Variants in CWC27 observed in about 807,000 individuals in gnomAD.
CWC27 encodes spliceosome-associated protein CWC27 homolog.
A neutral mutation model predicts 63.6 loss-of-function variants in CWC27; 47 were observed. That is an observed-to-expected ratio of 0.74 (90% CI 0.58 to 0.94). The LOEUF (loss-of-function observed/expected upper bound fraction) is 0.94. CWC27 is among the 40% of genes least tolerant of loss of function. The probability of loss-of-function intolerance (pLI) is 0.00; values close to 1 mark genes in which losing one functional copy is unlikely to be tolerated. For missense variants in CWC27, 495 were observed against 554.3 expected (o/e 0.89, Z 1.07); for synonymous variants, 175 against 179.8 (o/e 0.97, Z 0.22).
chr5:64,849,415 C>T (rs1045695500), intron 10 of CWC27, among the ~76,000 whole-genome samples: 4 of 152,100 alleles, frequency 2.6e-5, no homozygotes, highest in African/African-American at 9.7e-5. Context: ...GGATCTGTGT[C>T]CCTGTTCAAA....
chr5:64,817,375 C>T (rs930975725), intron 10 of CWC27, among the ~76,000 whole-genome samples: 1 of 152,068 alleles, frequency 6.6e-6, no homozygotes, highest in African/African-American at 2.4e-5. Context: ...ATAAAATTTG[C>T]TTGACTTTCA....
intron 11 of CWC27, among the ~76,000 whole-genome samples, chr5:64,969,288 A>G (rs1749076313): frequency 1.3e-5 from 2 of 152,204 alleles, no homozygotes; most frequent in Non-Finnish European, 2.9e-5. Context: ...TTAGCTGAAA[A>G]TGTAAGCAAA....
chr5:64,841,281 T>C (rs10434529), intron 10 of CWC27, among the ~76,000 whole-genome samples: 53,493 of 151,936 alleles, frequency 0.35, 9,859 homozygotes, highest in East Asian at 0.51. Context: ...AAACATCTTG[T>C]TTCAGGAGCT....
At chr5:64,908,939 A>C (rs1181525894) in intron 11 of CWC27, among the ~76,000 whole-genome samples, 2 of 152,040 alleles carry the variant, frequency 1.3e-5, no homozygotes. Context: ...ATGTTAGCTC[A>C]TTATTTTGCC....
intron 11 of CWC27, among the ~76,000 whole-genome samples, chr5:64,893,575 A>G (rs1747294308): frequency 7.7e-6 from 1 of 129,358 alleles, no homozygotes; most frequent in Non-Finnish European, 1.7e-5. Context: ...ATTTTTTCAC[A>G]CAAAACTCAG....
chr5:64,868,533 C>G (rs765337563), intron 10 of CWC27, among the ~76,000 whole-genome samples: 5 of 152,138 alleles, frequency 3.3e-5, no homozygotes, highest in Middle Eastern at 3.4e-3. Context: ...AAGCAGCATT[C>G]TGTTTCTCAA....
intron 11 of CWC27, among the ~76,000 whole-genome samples, chr5:64,960,553 A>G (rs1017571868): frequency 2.6e-5 from 4 of 152,094 alleles, no homozygotes; most frequent in African/African-American, 7.2e-5. Flanking sequence ...AAAAATACAA[A>G]TTGACTTTGT....
At chr5:64,773,913 T>A (rs879574832) in intron 1 of CWC27, 2 of 152,208 alleles carry the variant, frequency 1.3e-5, no homozygotes, top group African/African-American at 2.4e-5. Context: ...TAAGACATAG[T>A]ATTTTAGTAA....
chr5:64,905,603 T>C (rs1380472830), intron 11 of CWC27, among the ~76,000 whole-genome samples: 2 of 152,186 alleles, frequency 1.3e-5, no homozygotes, highest in African/African-American at 4.8e-5. Context: ...TGAGGGTGAA[T>C]GCTCAAAATT....
At chr5:64,863,608 C>T (rs574178095) in intron 10 of CWC27, among the ~76,000 whole-genome samples, 12 of 152,196 alleles carry the variant, frequency 7.9e-5, no homozygotes, top group Admixed American at 2.6e-4. Context: ...GATCCTTCCA[C>T]GTCAGCCTCC....
chr5:64,990,243 T>TAGATGTCATCCTTAATTCAGAAAC (rs1561181395), intron 13 of CWC27, among the ~76,000 whole-genome samples: 27 of 99,906 alleles, frequency 2.7e-4, no homozygotes, highest in African/African-American at 5.8e-4. Flanking sequence ...TTTATTTGTT[T>TAGATGTCATCCTTAATTCAGAAAC]TTTTTTTGTT....
At chr5:64,905,252 C>G (rs1747606622) in intron 11 of CWC27, among the ~76,000 whole-genome samples, 1 of 148,848 alleles carries the variant, frequency 6.7e-6, no homozygotes, top group Admixed American at 6.7e-5. Flanking sequence ...TCTTTTCTTT[C>G]CTGGCCAGGC....
chr5:64,983,383 C>T lies in CWC27; in HGVS notation c.1256+6145C>T, dbSNP rs543871975. ...ATTCTCTGAAAAATTCCACTGTACA[C>T]TCATGAGGGGATAAGAATGAAATAG... On this transcript the variant is annotated intron_variant, in intron 13 of 13. Coordinates refer to ENST00000381070, the MANE Select transcript of CWC27 (RefSeq NM_005869.4). Among the ~76,000 whole-genome samples, 4 of 152,222 alleles carry T rather than the reference C, an allele frequency of 2.6e-5. No individual in the cohort carries two copies. In the East Asian group the frequency reaches 7.7e-4, roughly 29 times the overall value.
intron 2 of CWC27, among the ~76,000 whole-genome samples, chr5:64,775,662 T>G (rs1447443683): frequency 6.6e-6 from 1 of 152,146 alleles, no homozygotes; most frequent in Non-Finnish European, 1.5e-5. Context: ...ATGTCTCTAG[T>G]TTTTTTAGAT....
chr5:64,782,101 G>A, intron 3 of CWC27, 68 bp downstream of exon 3: 1 of 809,252 alleles, frequency 1.2e-6, no homozygotes. Context: ...AGTTTGGATT[G>A]CTTAATCGAA....
intron 10 of CWC27, among the ~76,000 whole-genome samples, chr5:64,866,908 C>T (rs185553081): frequency 6.6e-6 from 1 of 152,116 alleles, no homozygotes; most frequent in East Asian, 1.9e-4. Flanking sequence ...GAGCCCACAC[C>T]TTTGATCACT....
chr5:64,945,592 C>T lies in CWC27; in HGVS notation c.1043-26111C>T, dbSNP rs146606325. On this transcript the variant is annotated intron_variant, in intron 11 of 13. Transcript: ENST00000381070. ...CCCTGCCTTTTCCTCTCATTTCTCTCTGACAAGAGCCCATGAGAAAGGTAG... is the reference window on the plus strand; with the variant it reads ...CCCTGCCTTTTCCTCTCATTTCTCTTTGACAAGAGCCCATGAGAAAGGTAG... 9.6e-3 allele frequency among the ~76,000 whole-genome samples: 1,463 copies of T among 152,262 alleles called. 10 individuals carry two copies. Among genetic ancestry groups the T allele is most frequent in the Non-Finnish European group, 0.016 (1,066 of 68,002 alleles).
rs1211922189 is a variant in CWC27, at chr5:64,943,549, G to A, written c.1043-28154G>A. On this transcript the variant is annotated intron_variant, in intron 11 of 13. Coordinates refer to ENST00000381070, the MANE Select transcript of CWC27 (RefSeq NM_005869.4). ...CTGACAAACATGGCACATCTTGGTGGTAGTTCATTTATTCTACAAATACTT... is the reference window on the plus strand; with the variant it reads ...CTGACAAACATGGCACATCTTGGTGATAGTTCATTTATTCTACAAATACTT... Among the ~76,000 whole-genome samples the A allele has an allele frequency of 2.0e-4, 30 of 152,132 alleles. 1 individual carries two copies. Among genetic ancestry groups the A allele is most frequent in the Admixed American group, 2.0e-3 (30 of 15,274 alleles).
chr5:65,010,726 A>C (rs952225628), intron 13 of CWC27, among the ~76,000 whole-genome samples: 3 of 152,244 alleles, frequency 2.0e-5, no homozygotes, highest in Admixed American at 1.3e-4. Context: ...ATCTTCAAGC[A>C]GTTTAACTGG....
Sources: allele counts gnomAD v4.1 joint callset (sites outside exome capture counted in the v4.1 genomes callset), GRCh38; gene constraint gnomAD v4.1.1; transcripts MANE v1.5; gene names NCBI Gene and HGNC (gene_info 2026-07-23, HGNC 2026-07-21).